OSGIN1: variants seen among roughly 807,000 people sequenced by gnomAD.
OSGIN1 encodes the protein oxidative stress-induced growth inhibitor 1.
OSGIN1 carries 19 observed loss-of-function variants against 20.1 expected under a neutral mutation model. The observed-to-expected ratio is 0.95, with a 90% CI of 0.66 to 1.39. The LOEUF (loss-of-function observed/expected upper bound fraction) is 1.39. OSGIN1 is among the 40% of genes most tolerant of loss of function. OSGIN1 has a pLI of 0.00. For missense variants in OSGIN1, 820 were observed against 653.0 expected, an observed-to-expected ratio of 1.26 and a Z score of -2.79; for synonymous variants, 368 against 297.8, an observed-to-expected ratio of 1.24 and a Z score of -2.43.
chr16:83,954,854 G>A, intron 1 of OSGIN1: 1 of 549,356 alleles, frequency 1.8e-6, no homozygotes, highest in South Asian at 7.7e-5. Flanking sequence ...GCCCTTCTTG[G>A]GGTGGTGGGA....
intron 1 of OSGIN1, among the ~76,000 whole-genome samples, chr16:83,956,161 G>T (rs984979591): frequency 6.6e-6 from 1 of 152,170 alleles, no homozygotes; most frequent in Non-Finnish European, 1.5e-5. Context: ...TGTCACTGTG[G>T]GGGCGACACA....
chr16:83,960,852 T>C, intron 4 of OSGIN1, 92 bp downstream of exon 4: 2 of 1,494,114 alleles, frequency 1.3e-6, no homozygotes, highest in Non-Finnish European at 9.2e-7. Context: ...CCTTTCCTCA[T>C]TCTCCACCCC....
At chr16:83,961,749 C>T (rs1408438875) in intron 5 of OSGIN1, among the ~76,000 whole-genome samples, 1 of 152,022 alleles carries the variant, frequency 6.6e-6, no homozygotes, top group African/African-American at 2.4e-5. Flanking sequence ...AGCAGCAGAC[C>T]GCCCTGTCAC....
chr16:83,959,393 C>G lies in OSGIN1; in HGVS notation c.201C>G (p.Asp67Glu), dbSNP rs757839127. 6 of 1,613,698 alleles carry G rather than the reference C, an allele frequency of 3.7e-6. No individual in the cohort carries two copies. The highest frequency in any genetic ancestry group is 5.1e-6 in the Non-Finnish European group (6 of 1,179,896). ...AGGCCCCGGGGGTCTCCATCCTGGA[C>G]CAGGTGGGTCAGCCTGGGGCCAGAG... ...LTEAPGVSIL[D>E]QDLDYLSEGL... The change falls in exon 3 of 6, where the codon GAC (aspartate) becomes GAG (glutamate). Residue 67 changes from aspartate to glutamate, a missense_variant. Physicochemically the swap from Asp to Glu is conservative, Grantham distance 45. Coordinates refer to ENST00000393306, the MANE Select transcript of OSGIN1 (RefSeq NM_182981.3).
rs770212169 is a variant in OSGIN1, at chr16:83,965,090, G to A, written c.517G>A (p.Gly173Arg). ...TCTTCGCAACAGCCGGGCCACTGCC[G>A]GGGACATCGCCCACTACTACAGGGA... ...RGLRNSRATA[G>R]DIAHYYRDYV... The change falls in exon 6 of 6, where the codon GGG becomes AGG. Residue 173 changes from glycine (G) to arginine (R), a missense_variant. By Grantham distance (125) the Gly-to-Arg change is moderately radical. Transcript: ENST00000393306. 45 of 1,564,858 alleles carry A rather than the reference G, an allele frequency of 2.9e-5. No individual in the cohort carries two copies. Among genetic ancestry groups the A allele is most frequent in the Non-Finnish European group, 3.7e-5 (42 of 1,148,084 alleles).
At chr16:83,956,560 A>C (rs1321207365) in intron 1 of OSGIN1, among the ~76,000 whole-genome samples, 1 of 152,112 alleles carries the variant, frequency 6.6e-6, no homozygotes, top group East Asian at 1.9e-4. Flanking sequence ...GGGTCTTGGC[A>C]CCAGTGAGCC....
chr16:83,961,330 C>T (rs2084209020), intron 5 of OSGIN1: 1 of 450,872 alleles, frequency 2.2e-6, no homozygotes, highest in Admixed American at 3.6e-5. Flanking sequence ...GCTGGGCCAG[C>T]TTGAAGCAAA....
intron 5 of OSGIN1, chr16:83,961,333 G>C (rs1223700914): frequency 2.4e-5 from 11 of 449,642 alleles, no homozygotes; most frequent in Non-Finnish European, 4.5e-5. Flanking sequence ...GGGCCAGCTT[G>C]AAGCAAAGGC....
In OSGIN1 at chr16:83,955,309, C is replaced by G. The variant is rs148892428; in HGVS notation, c.-33+1939C>G. On this transcript the variant is annotated intron_variant, in intron 1 of 5. Transcript: ENST00000393306. ...CAATGAGAAATGATCCCTTCCCAGC[C>G]AGAACACCAGGTCCTCAGCTGTCCC... Among the ~76,000 whole-genome samples the G allele has an allele frequency of 3.1e-3, 466 of 152,292 alleles. 3 individuals carry two copies. Among genetic ancestry groups the G allele is most frequent in the Non-Finnish European group, 5.4e-3 (370 of 68,018 alleles).
rs1467711030 is a variant in OSGIN1, at chr16:83,965,201, A to G, written c.628A>G (p.Ser210Gly). The change falls in exon 6 of 6, where the codon AGC becomes GGC. Residue 210 changes from serine to glycine, a missense_variant. By Grantham distance (56) the Ser-to-Gly change is moderately conservative. Coordinates refer to ENST00000393306, the MANE Select transcript of OSGIN1 (RefSeq NM_182981.3). ...GGAGTGGGGGACCCCCGATCCCAGC[A>G]GCTGTGGGGCCCAGGACTCCAGCCC... ...AVEWGTPDPS[S>G]CGAQDSSPLF... The G allele has an allele frequency of 1.9e-6, 3 of 1,613,184 alleles. No homozygotes were observed. The highest frequency in any genetic ancestry group is 3.3e-5 in the Admixed American group (2 of 60,028).
At chr16:83,958,878 CCT>C (rs1457635929) in intron 2 of OSGIN1, among the ~76,000 whole-genome samples, 1 of 152,194 alleles carries the variant, frequency 6.6e-6, no homozygotes, top group Non-Finnish European at 1.5e-5. Context: ...TCAGATATTC[CCT>C]CTGTCTGGGT....
rs147534044 is a variant in OSGIN1, at chr16:83,956,519, A to G, written c.-32-1121A>G. 1.6e-3 allele frequency among the ~76,000 whole-genome samples: 244 copies of G among 152,252 alleles called. 1 individual carries two copies. The highest frequency in any genetic ancestry group is 5.7e-3 in the African/African-American group (238 of 41,552). Reference sequence around the variant, plus strand: ...GGATGGGCCCTGGATCTCGAGGGACAGGCCGAGTGGTGTGGGTGGTGGCAC... The same window carrying G: ...GGATGGGCCCTGGATCTCGAGGGACGGGCCGAGTGGTGTGGGTGGTGGCAC... On this transcript the variant is annotated intron_variant, in intron 1 of 5. Transcript: ENST00000393306.
intron 2 of OSGIN1, among the ~76,000 whole-genome samples, chr16:83,958,338 G>A (rs990529480): frequency 1.3e-5 from 2 of 152,172 alleles, no homozygotes; most frequent in South Asian, 2.1e-4. Context: ...CCGGCGTGGC[G>A]CAGGGAGGCC....
At position 83,965,621 on chromosome 16, in the gene OSGIN1, C is replaced by G. The variant is rs140495749; in HGVS notation, c.1048C>G (p.Leu350Val). ...VHQMMREQSI[L>V]SPSPYEGYRS... ...CCAGATGATGCGGGAGCAGTCCATC[C>G]TGTCGCCCAGCCCCTATGAGGGTTA... Residue 350 changes from leucine (L) to valine (V), a missense_variant, in exon 6 of 6, where the codon CTG (leucine) becomes GTG (valine). By Grantham distance (32) the Leu-to-Val change is conservative. Transcript: ENST00000393306. 1 of 1,613,188 alleles carries G rather than the reference C, an allele frequency of 6.2e-7. No individual in the cohort carries two copies. The highest frequency in any genetic ancestry group is 8.5e-7 in the Non-Finnish European group (1 of 1,180,002).
At chr16:83,959,849 G>T (rs1019474760) in intron 3 of OSGIN1, among the ~76,000 whole-genome samples, 2 of 150,910 alleles carry the variant, frequency 1.3e-5, no homozygotes, top group African/African-American at 4.9e-5. Context: ...TGGCTACAAA[G>T]AATGATCTGG....
At chr16:83,956,187 G>A (rs1316473614) in intron 1 of OSGIN1, among the ~76,000 whole-genome samples, 1 of 152,194 alleles carries the variant, frequency 6.6e-6, no homozygotes, top group Non-Finnish European at 1.5e-5. Flanking sequence ...CCTCTCAGTG[G>A]CCCATCTGTG....
At chr16:83,954,844 G>C (rs967459771) in intron 1 of OSGIN1, 2 of 617,870 alleles carry the variant, frequency 3.2e-6, no homozygotes, top group Admixed American at 1.3e-4. Context: ...TCCTGCAAAT[G>C]CCCTTCTTGG....
intron 2 of OSGIN1, among the ~76,000 whole-genome samples, chr16:83,958,019 GGT>G (rs1333998495): frequency 1.3e-5 from 2 of 152,144 alleles, no homozygotes; most frequent in African/African-American, 4.8e-5. Context: ...TGGGATTACA[GGT>G]GCATGCCACC....
Position 83,966,037 on chromosome 16 carries a change from C to A in OSGIN1, c.*30C>A. On this transcript the variant is annotated 3_prime_UTR_variant, in exon 6 of 6. Transcript: ENST00000393306. ...CGGCCAGACCCGCTGGCTCCCAGGC[C>A]CTGAGAGGACAGAGATGACCACATC... 6.8e-7 allele frequency: 1 copy of A among 1,463,228 alleles called. No homozygotes were observed. Among genetic ancestry groups the A allele is most frequent in the Non-Finnish European group, 9.1e-7 (1 of 1,098,282 alleles). The allele number at this position is 1,463,228 out of a possible 1,614,324, so 90.6% of individuals were successfully genotyped here. A position where few individuals can be genotyped will look rare whatever the true frequency, so the allele number is the denominator to read the frequency against.
Sources: gnomAD v4.1 joint callset for allele counts (sites outside exome capture counted in the v4.1 genomes callset) on GRCh38, gnomAD v4.1.1 for gene constraint, MANE v1.5 for transcripts, NCBI Gene and HGNC (gene_info 2026-07-23, HGNC 2026-07-21) for gene names.